The following STAP2 variants were observed in gnomAD, a reference collection of about 807,000 sequenced individuals.
STAP2 encodes signal-transducing adaptor protein 2.
In STAP2, 58 loss-of-function variants were observed where a neutral mutation model predicts 52.7. The observed-to-expected ratio is 1.10, with a 90% CI of 0.89 to 1.37. The LOEUF (loss-of-function observed/expected upper bound fraction) is 1.37, where lower values mean the gene tolerates loss of function less well. Among genes scored for constraint, STAP2 ranks in the 40% most tolerant of loss-of-function variants. The pLI is 0.00. For missense variants in STAP2, 522 were observed against 519.4 expected (o/e 1.00, Z -0.05); for synonymous variants, 231 against 210.5 (o/e 1.10, Z -0.84).
At chr19:4,336,234 C>G (rs958818575) in intron 1 of STAP2, among the ~76,000 whole-genome samples, 6 of 151,044 alleles carry the variant, frequency 4.0e-5, no homozygotes, top group Non-Finnish European at 8.8e-5. Context: ...AGGGTGTTCT[C>G]GAACTCCTGA....
intron 5 of STAP2, among the ~76,000 whole-genome samples, 196 bp downstream of exon 5, chr19:4,329,765 G>A (rs933464551): frequency 6.6e-6 from 1 of 151,396 alleles, no homozygotes; most frequent in Admixed American, 6.6e-5. Context: ...CCCTAGACCC[G>A]CTCCTGGAGA....
chr19:4,337,111 A>G (rs1971992650), intron 1 of STAP2, among the ~76,000 whole-genome samples: 1 of 151,918 alleles, frequency 6.6e-6, no homozygotes, highest in South Asian at 2.1e-4. Flanking sequence ...TTTGATCTGT[A>G]TTAGAAAATG....
chr19:4,338,648 T>C lies in STAP2; in HGVS notation c.102+4A>G, dbSNP rs1355046491. 1 of 1,463,392 alleles carries C rather than the reference T, an allele frequency of 6.8e-7. No homozygotes were observed. Among genetic ancestry groups the C allele is most frequent in the South Asian group, 1.1e-5 (1 of 87,354 alleles). The allele number at this position is 1,463,392 out of a possible 1,614,324, so 90.7% of individuals were successfully genotyped here. A position where few individuals can be genotyped will look rare whatever the true frequency, so the allele number is the denominator to read the frequency against. ...CAGGGCCAGCCCCCGCCTCCCCACC[T>C]TACCCGGTCACAGGGCCCCTTCTTC... On this transcript the variant is annotated splice_donor_region_variant and intron_variant, in intron 1 of 12. Coordinates refer to ENST00000594605, the MANE Select transcript of STAP2 (RefSeq NM_001013841.2).
At chr19:4,334,806 C>CTAT (rs1971948314) in intron 1 of STAP2, among the ~76,000 whole-genome samples, 1 of 147,320 alleles carries the variant, frequency 6.8e-6, no homozygotes, top group Non-Finnish European at 1.5e-5. Context: ...ATCCATCCCT[C>CTAT]CATCATCCAT....
chr19:4,334,106 T>C (rs1971936543), intron 1 of STAP2, 62 bp from the exon 2 acceptor site: 27 of 1,440,978 alleles, frequency 1.9e-5, no homozygotes, highest in Non-Finnish European at 2.5e-5. Flanking sequence ...TTTCATGTAC[T>C]CAATCCTGTC....
rs143484969 is a variant in STAP2, at chr19:4,329,980, G to C, written c.436C>G (p.Arg146Gly). The C allele has an allele frequency of 6.2e-6, 10 of 1,613,294 alleles. No individual in the cohort carries two copies. The highest frequency in any genetic ancestry group is 6.8e-6 in the Non-Finnish European group (8 of 1,179,934). Residue 146 changes from arginine to glycine, a missense_variant, in exon 5 of 13, where the codon CGT (arginine) becomes GGT (glycine). Transcript: ENST00000594605. ...ACTCACGAGGGTGTCTCCAGTGCAC[G>C]GCGCGCCTCCTCTTTGGCCAAGACT... ...SEVLAKEEAR[R>G]ALETPSCFLK...
At chr19:4,329,044 A>T in intron 5 of STAP2, 1 of 544,488 alleles carries the variant, frequency 1.8e-6, no homozygotes, top group Non-Finnish European at 3.1e-6. Context: ...CTTGTTGCCC[A>T]GGCTGGAGTG....
Position 4,333,981 on chromosome 19 carries a change from C to T in STAP2, c.166G>A (p.Asp56Asn), listed in dbSNP as rs1363132337. ...TCCATTCCCATCCTTACCTGGAAGT[C>T]CCGATTGCTATTGTAGAAATAAATG... is the stretch of plus-strand genomic sequence containing the variant. The part of the protein sequence containing the change: ...LTIYFYNSNR[D>N]FQHVEKLNLG... Residue 56 changes from aspartate (D) to asparagine (N), a missense_variant, in exon 2 of 13, where the codon GAC (aspartate) becomes AAC (asparagine). Coordinates refer to ENST00000594605, the MANE Select transcript of STAP2 (RefSeq NM_001013841.2). 6.2e-7 allele frequency: 1 copy of T among 1,613,210 alleles called. No individual in the cohort carries two copies.
rs1491298785 is a variant in STAP2 at position 4,325,378 on chromosome 19, GCT to G, written c.979+16_979+17del. 1 of 1,614,214 alleles carries G rather than the reference GCT, an allele frequency of 6.2e-7. No homozygotes were observed. The highest frequency in any genetic ancestry group is 1.1e-5 in the South Asian group (1 of 91,082). ...TTTCCCCAACCCCCAGCTCTCAGCA[GCT>G]CTGTTCCCCACCCACCATCTTGGTT... On this transcript the variant is annotated intron_variant, in intron 10 of 12. Coordinates refer to ENST00000594605, the MANE Select transcript of STAP2 (RefSeq NM_001013841.2).
rs753066937 is a variant in STAP2, at chr19:4,324,466, A to T, written c.1136T>A (p.Phe379Tyr). 2.7e-5 allele frequency: 43 copies of T among 1,572,174 alleles called. No homozygotes were observed. In the South Asian group the frequency reaches 3.6e-4, roughly 13 times the overall value. The change falls in exon 12 of 13, where the codon TTC becomes TAC. Residue 379 changes from phenylalanine to tyrosine, a missense_variant. Physicochemically the swap from Phe to Tyr is conservative, Grantham distance 22. Coordinates refer to ENST00000594605, the MANE Select transcript of STAP2 (RefSeq NM_001013841.2). ...KLPVSSAQPL[F>Y]PTAGLADMTA... ...CGCAGACCCCTTACCGGCTGTGGGG[A>T]AGAGAGGCTGGGCTGAACTGACTGG...
intron 4 of STAP2, 108 bp from the exon 5 acceptor site, chr19:4,330,169 C>T (rs1971866355): frequency 1.2e-6 from 1 of 805,290 alleles, no homozygotes; most frequent in Admixed American, 2.0e-5. Flanking sequence ...GCAATGAACT[C>T]TGACACCTTA....
chr19:4,326,897 G>C (rs779518193), intron 9 of STAP2, 45 bp downstream of exon 9: 1 of 1,547,644 alleles, frequency 6.5e-7, no homozygotes, highest in Admixed American at 2.0e-5. Context: ...CTGAATGCGG[G>C]GTCCTCGATC....
chr19:4,328,386 G>A (rs1010983299), intron 6 of STAP2, among the ~76,000 whole-genome samples: 1 of 140,404 alleles, frequency 7.1e-6, no homozygotes, highest in African/African-American at 2.7e-5. Flanking sequence ...ACTCTGCTCA[G>A]CTCTGACTCC....
At chr19:4,327,953 C>A (rs1186101417) in intron 6 of STAP2, among the ~76,000 whole-genome samples, 4 of 152,112 alleles carry the variant, frequency 2.6e-5, no homozygotes, top group Admixed American at 2.0e-4. Flanking sequence ...TGACTCCCCC[C>A]CGTAGATCCT....
chr19:4,332,417 G>A (rs1971909074), intron 3 of STAP2, among the ~76,000 whole-genome samples: 1 of 151,386 alleles, frequency 6.6e-6, no homozygotes, highest in Non-Finnish European at 1.5e-5. Flanking sequence ...TTGTTGCCAG[G>A]CTGGTCTTGA....
Position 4,324,523 on chromosome 19 carries a change from T to A in STAP2, c.1079A>T (p.Lys360Ile). The change falls in exon 12 of 13, where the codon AAA becomes ATA. Residue 360 changes from lysine (K) to isoleucine (I), a missense_variant. Coordinates refer to ENST00000594605, the MANE Select transcript of STAP2 (RefSeq NM_001013841.2). ...CCTGCCCAAGCCACCATTAAAGACT[T>A]TGGGCTCTGGAAGAGAAGACAGATG... ...KPPVGPKPEP[K>I]VFNGGLGRKL... 1 of 1,568,740 alleles carries A rather than the reference T, an allele frequency of 6.4e-7. No homozygotes were observed. Among genetic ancestry groups the A allele is most frequent in the Non-Finnish European group, 8.7e-7 (1 of 1,155,082 alleles).
In STAP2 at chr19:4,335,686, A is replaced by G. The variant is rs527865956; in HGVS notation, c.103-1642T>C. Among the ~76,000 whole-genome samples the G allele has an allele frequency of 4.6e-5, 7 of 152,290 alleles. No homozygotes were observed. In the East Asian group the frequency reaches 1.3e-3, roughly 29 times the overall value. ...ACAGGATTAAACACTGTATTGCTTC[A>G]TTATGTACCCACGATGTGCTGTTGG... On this transcript the variant is annotated intron_variant, in intron 1 of 12. Coordinates refer to ENST00000594605, the MANE Select transcript of STAP2 (RefSeq NM_001013841.2).
intron 9 of STAP2, 71 bp from the exon 10 acceptor site, chr19:4,325,616 CTG>C: frequency 6.7e-7 from 1 of 1,490,066 alleles, no homozygotes; most frequent in South Asian, 1.3e-5. Context: ...GCGGGGGGGT[CTG>C]TGTGCATGCC....
rs1971751463 is a variant in STAP2, at chr19:4,324,545, G to A, written c.1073-16C>T. 1 of 1,558,664 alleles carries A rather than the reference G, an allele frequency of 6.4e-7. No individual in the cohort carries two copies. Among genetic ancestry groups the A allele is most frequent in the East Asian group, 2.4e-5 (1 of 42,212 alleles). Reference sequence around the variant, plus strand: ...ACTTTGGGCTCTGGAAGAGAAGACAGATGAGGCCAGGTGTGGTGGCTCACG... The same window carrying A: ...ACTTTGGGCTCTGGAAGAGAAGACAAATGAGGCCAGGTGTGGTGGCTCACG... On this transcript the variant is annotated splice_polypyrimidine_tract_variant and intron_variant, in intron 11 of 12. Coordinates refer to ENST00000594605, the MANE Select transcript of STAP2 (RefSeq NM_001013841.2).
Sources: allele counts gnomAD v4.1 joint callset (sites outside exome capture counted in the v4.1 genomes callset), GRCh38; gene constraint gnomAD v4.1.1; transcripts MANE v1.5; gene names NCBI Gene and HGNC (gene_info 2026-07-23, HGNC 2026-07-21).